ANKMY1: variants seen among roughly 807,000 people sequenced by gnomAD.
The protein encoded by ANKMY1 is ankyrin repeat and MYND domain containing 1, also known as ankyrin repeat and MYND domain-containing protein 1.
ANKMY1 carries 98 observed loss-of-function variants against 102.0 expected under a neutral mutation model. The ratio of observed to expected loss-of-function variants is 0.96; its 90% CI spans 0.82 to 1.14. The LOEUF (loss-of-function observed/expected upper bound fraction) is 1.14, where lower values mean the gene tolerates loss of function less well. Ranked by LOEUF, ANKMY1 falls within the 50% of genes most tolerant of loss-of-function variation. The pLI, the probability that ANKMY1 is intolerant of heterozygous loss-of-function variation, is 0.00. For synonymous variants in ANKMY1, 582 were observed against 559.9 expected (o/e 1.04, Z -0.56); for missense variants, 1,330 against 1,347.6 (o/e 0.99, Z 0.20).
intron 10 of ANKMY1, 148 bp downstream of exon 10, chr2:240,512,654 G>A: frequency 8.8e-7 from 1 of 1,130,866 alleles, no homozygotes; most frequent in Non-Finnish European, 1.2e-6. Flanking sequence ...ATCTGGACGG[G>A]TTGTTTCTAT....
At chr2:240,521,491 CTTTTTTTTTTTTTTTTTT>C (rs1162330484) in intron 8 of ANKMY1, among the ~76,000 whole-genome samples, 2 of 69,592 alleles carry the variant, frequency 2.9e-5, no homozygotes, top group African/African-American at 1.2e-4. Flanking sequence ...GGTGTTACAG[CTTTTTTTTTTTTTTTTTT>C]TTTTTTTTTT....
At chr2:240,523,691 A>T (rs2082766358) in intron 8 of ANKMY1, 194 bp downstream of exon 8, 2 of 919,130 alleles carry the variant, frequency 2.2e-6, no homozygotes, top group Non-Finnish European at 3.2e-6. Context: ...CACTGAAAAC[A>T]GCCCGTCACC....
Position 240,512,937 on chromosome 2 carries a change from G to A in ANKMY1, c.2010C>T (p.Ser670=), listed in dbSNP as rs767985782. The A allele has an allele frequency of 1.2e-6, 2 of 1,612,104 alleles. No individual in the cohort carries two copies. The highest frequency in any genetic ancestry group is 3.3e-5 in the Admixed American group (2 of 59,802). Residue 670 remains serine, a synonymous_variant, in exon 10 of 18, where the codon AGC becomes AGT. Coordinates refer to ENST00000401804, the MANE Select transcript of ANKMY1 (RefSeq NM_001282771.3). Reference sequence around the variant, plus strand: ...CAGCGATGTGGAGTGGTGTCAGGGTGCTCAGCTGCAGAGGAAACACCGGGG... The same window carrying A: ...CAGCGATGTGGAGTGGTGTCAGGGTACTCAGCTGCAGAGGAAACACCGGGG... The part of the protein sequence containing the change: ...RTDICFPPQL[S]TLTPLHIAAA...
At chr2:240,546,570 T>C (rs2090421255) in intron 4 of ANKMY1, among the ~76,000 whole-genome samples, 1 of 152,118 alleles carries the variant, frequency 6.6e-6, no homozygotes, top group South Asian at 2.1e-4. Context: ...ACTGGCAAAC[T>C]GGATAAAGAG....
chr2:240,476,980 A>G (rs972876761), downstream of ANKMY1, among the ~76,000 whole-genome samples: 2 of 152,240 alleles, frequency 1.3e-5, no homozygotes, highest in Admixed American at 6.5e-5. Flanking sequence ...GCTGTGCTTT[A>G]GAGAGTTCCC....
Position 240,520,475 on chromosome 2 carries a change from G to C in ANKMY1, c.1891C>G (p.Leu631Val). ...AGGACCTGCATGGGCACGCAGCACA[G>C]GTTGGGGTCCGCGCCCCGGCGCAGC... is the stretch of plus-strand genomic sequence containing the variant. Reference protein sequence around the residue: ...LLLRRGADPNLCCVPMQVLFL... With the variant: ...LLLRRGADPNVCCVPMQVLFL... The change falls in exon 9 of 18, where the codon CTG becomes GTG. Residue 631 changes from leucine (L) to valine (V), a missense_variant. Leu to Val is a conservative substitution (Grantham distance 32, BLOSUM62 1). Coordinates refer to ENST00000401804, the MANE Select transcript of ANKMY1 (RefSeq NM_001282771.3). The surrounding 1 kb of genome is among the most constrained non-coding windows in gnomAD (Gnocchi z 4.8). 2 of 1,613,412 alleles carry C rather than the reference G, an allele frequency of 1.2e-6. No homozygotes were observed. The highest frequency in any genetic ancestry group is 8.5e-7 in the Non-Finnish European group (1 of 1,179,760).
At chr2:240,546,260 A>G (rs1166974564) in intron 4 of ANKMY1, among the ~76,000 whole-genome samples, 1 of 150,460 alleles carries the variant, frequency 6.6e-6, no homozygotes, top group African/African-American at 2.4e-5. Context: ...CAGCCAAACT[A>G]AGCTTCATAA....
chr2:240,483,631 C>G (rs2075704764), intron 15 of ANKMY1, among the ~76,000 whole-genome samples: 1 of 152,166 alleles, frequency 6.6e-6, no homozygotes, highest in South Asian at 2.1e-4. Context: ...CTATATGTCT[C>G]AGAATTTTCC....
At chr2:240,513,481 G>A (rs2080631421) in intron 9 of ANKMY1, among the ~76,000 whole-genome samples, 1 of 152,240 alleles carries the variant, frequency 6.6e-6, no homozygotes, top group African/African-American at 2.4e-5. Context: ...GCTGAGAATG[G>A]ACAGTGGGCT....
intron 4 of ANKMY1, among the ~76,000 whole-genome samples, chr2:240,537,824 G>A (rs1024910331): frequency 6.6e-6 from 1 of 152,190 alleles, no homozygotes; most frequent in African/African-American, 2.4e-5. Flanking sequence ...CCACACCTGC[G>A]CCAATCGCTG....
intron 15 of ANKMY1, among the ~76,000 whole-genome samples, chr2:240,483,112 C>T (rs1369643690): frequency 1.3e-5 from 2 of 151,984 alleles, no homozygotes; most frequent in African/African-American, 2.4e-5. Context: ...GATTGCTGTT[C>T]CCATGTTAGT....
chr2:240,526,529 A>G, intron 5 of ANKMY1, 84 bp from the exon 6 acceptor site: 1 of 1,572,534 alleles, frequency 6.4e-7, no homozygotes, highest in Non-Finnish European at 8.6e-7. Context: ...ACCTCCCTCC[A>G]ATGCCTCTCC....
intron 4 of ANKMY1, among the ~76,000 whole-genome samples, chr2:240,533,064 T>TGGAGTTAAAAAATA (rs1176208174): frequency 1.3e-5 from 2 of 152,182 alleles, no homozygotes; most frequent in Non-Finnish European, 2.9e-5. Context: ...AAGGGATAAA[T>TGGAGTTAAAAAATA]GGAGTTAAAA....
At chr2:240,470,710 A>G in the ANKMY1 span, among the ~76,000 whole-genome samples, 2 of 152,228 alleles carry the variant, frequency 1.3e-5, no homozygotes, top group Admixed American at 1.3e-4. Context: ...TAAAAGAAAC[A>G]GGAGGAAACA....
At chr2:240,489,372 G>T in intron 15 of ANKMY1, among the ~76,000 whole-genome samples, 1 of 151,938 alleles carries the variant, frequency 6.6e-6, no homozygotes, top group East Asian at 1.9e-4. Context: ...AGGGAGAATT[G>T]CTTGAACCTG....
At chr2:240,479,777 T>C (rs1274531553) in intron 17 of ANKMY1, 122 bp from the exon 18 acceptor site, 1 of 846,506 alleles carries the variant, frequency 1.2e-6, no homozygotes, top group African/African-American at 1.7e-5. Flanking sequence ...CTAGAGCTTT[T>C]GCAGGCAAGG....
At chr2:240,536,010 G>T (rs1471440936) in intron 4 of ANKMY1, among the ~76,000 whole-genome samples, 2 of 152,154 alleles carry the variant, frequency 1.3e-5, no homozygotes, top group African/African-American at 4.8e-5. Flanking sequence ...AAGTTTCAAA[G>T]AACTGCAACC....
rs1291008316 is a variant in ANKMY1, at chr2:240,520,437, C to A, written c.1929G>T (p.Val643=). 12 of 1,612,764 alleles carry A rather than the reference C, an allele frequency of 7.4e-6. No individual in the cohort carries two copies. The highest frequency in any genetic ancestry group is 1.3e-5 in the African/African-American group (1 of 74,928). Residue 643 remains valine, a synonymous_variant, in exon 9 of 18, where the codon GTG becomes GTT. Transcript: ENST00000401804. This position sits in a 1 kb window ranked among gnomAD's most constrained non-coding sequence, Gnocchi z 4.8. ...TCACCCCATCCACGTCCCCGGCCTTCACAGCAAGGAACAGGACCTGCATGG... is the reference window on the plus strand; with the variant it reads ...TCACCCCATCCACGTCCCCGGCCTTAACAGCAAGGAACAGGACCTGCATGG... The part of the protein sequence containing the change: ...CVPMQVLFLA[V]KAGDVDGVRL...
At position 240,529,263 on chromosome 2, in the gene ANKMY1, C is replaced by A; in HGVS notation, c.727G>T (p.Asp243Tyr). The A allele has an allele frequency of 6.2e-7, 1 of 1,614,164 alleles. No individual in the cohort carries two copies. The highest frequency in any genetic ancestry group is 8.5e-7 in the Non-Finnish European group (1 of 1,180,032). Residue 243 changes from aspartate (D) to tyrosine (Y), a missense_variant, in exon 5 of 18, where the codon GAC (aspartate) becomes TAC (tyrosine). Asp to Tyr is a radical substitution (Grantham distance 160). Coordinates refer to ENST00000401804, the MANE Select transcript of ANKMY1 (RefSeq NM_001282771.3). The surrounding 1 kb of genome is among the most constrained non-coding windows in gnomAD (Gnocchi z 4.2). ...TCATTCAGAAGAAACCGCTTATAGT[C>A]ATAGAAAAAGGGATCCTGTCCCTCC... ...LQEGQDPFFY[D>Y]YKRFLLNDNL...
Sources: gnomAD v4.1 joint callset for allele counts (sites outside exome capture counted in the v4.1 genomes callset) on GRCh38, gnomAD v4.1.1 for gene constraint, Gnocchi (gnomAD v3.1) non-coding constraint, MANE v1.5 for transcripts, NCBI Gene and HGNC (gene_info 2026-07-23, HGNC 2026-07-21) for gene names.